The following FARP2 variants were observed in gnomAD, a reference collection of about 807,000 sequenced individuals.
FARP2 encodes the protein FERM, ARHGEF and pleckstrin domain-containing protein 2.
Under a neutral mutation model 130.5 loss-of-function variants are expected in FARP2, and 111 were observed. The ratio of observed to expected loss-of-function variants is 0.85; its 90% CI spans 0.73 to 1.00. FARP2 has a LOEUF of 1.00. Ranked by LOEUF, FARP2 falls within the 50% of genes least tolerant of loss-of-function variation. FARP2 has a pLI of 0.00. For synonymous variants in FARP2, 504 were observed against 516.9 expected (o/e 0.98, Z 0.34); for missense variants, 1,385 against 1,346.3 (o/e 1.03, Z -0.45).
chr2:241,457,003 G>A (rs2063862439), intron 14 of FARP2, 81 bp downstream of exon 14: 2 of 1,309,344 alleles, frequency 1.5e-6, no homozygotes, highest in Non-Finnish European at 1.0e-6. Flanking sequence ...GGTGCTGGTG[G>A]GGACCCTGGG....
intron 4 of FARP2, among the ~76,000 whole-genome samples, chr2:241,406,717 G>A (rs1017847927): frequency 1.3e-5 from 2 of 152,188 alleles, no homozygotes; most frequent in Non-Finnish European, 2.9e-5. Context: ...ACCAGCCTCC[G>A]CCTCCCAAAG....
chr2:241,441,594 T>C (rs776307566), intron 13 of FARP2, 38 bp downstream of exon 13: 2 of 1,613,686 alleles, frequency 1.2e-6, no homozygotes. Flanking sequence ...GCTGTGGTTC[T>C]GTCTGTGCTG....
At chr2:241,378,017 T>C (rs1384252572) in intron 2 of FARP2, among the ~76,000 whole-genome samples, 3 of 152,314 alleles carry the variant, frequency 2.0e-5, no homozygotes, top group African/African-American at 7.2e-5. Context: ...CCAACACTTA[T>C]TTTTTTCTGA....
At chr2:241,442,648 T>A (rs1404566985) in intron 13 of FARP2, 1 of 326,168 alleles carries the variant, frequency 3.1e-6, no homozygotes, top group Admixed American at 4.2e-5. Context: ...AGATATTCAA[T>A]TTTTTTTTAA....
intron 17 of FARP2, 77 bp from the exon 18 acceptor site, chr2:241,468,063 A>G (rs10933558): frequency 0.19 from 188,456 of 1,011,256 alleles, 19,732 homozygotes; most frequent in Middle Eastern, 0.22. Context: ...GGCACCTGCC[A>G]TCAAGGAAAA....
intron 13 of FARP2, among the ~76,000 whole-genome samples, chr2:241,454,395 C>T (rs549296306): frequency 3.3e-5 from 5 of 152,232 alleles, no homozygotes; most frequent in Non-Finnish European, 4.4e-5. Flanking sequence ...CTTCCTGCCA[C>T]ACCCTGAGCA....
chr2:241,485,328 TC>T (rs536677992), intron 21 of FARP2, among the ~76,000 whole-genome samples: 1 of 148,866 alleles, frequency 6.7e-6, no homozygotes, highest in African/African-American at 2.5e-5. Flanking sequence ...CCTGGGATCT[TC>T]CCTCATTCCC....
chr2:241,452,382 G>A (rs898890851), intron 13 of FARP2, among the ~76,000 whole-genome samples: 4 of 151,864 alleles, frequency 2.6e-5, no homozygotes, highest in African/African-American at 4.8e-5. Context: ...CACATTCATC[G>A]CCAGTTGCTT....
In FARP2 at chr2:241,417,871, T is replaced by A. The variant is rs1448475470; in HGVS notation, c.624-91T>A. 9 of 1,401,128 alleles carry A rather than the reference T, an allele frequency of 6.4e-6. No homozygotes were observed. In the East Asian group the frequency reaches 2.1e-4, roughly 32 times the overall value. The allele number at this position is 1,401,128 out of a possible 1,614,324, so 86.8% of individuals were successfully genotyped here. On this transcript the variant is annotated intron_variant, in intron 7 of 26. Coordinates refer to ENST00000264042, the MANE Select transcript of FARP2 (RefSeq NM_014808.4). ...CCCTCTAAACACACAAAGCCTTCAT[T>A]GTTGGTTTTCCTGATCGCTTCTATA...
chr2:241,450,006 C>CA (rs1244240579), intron 13 of FARP2, among the ~76,000 whole-genome samples: 1,531 of 115,040 alleles, frequency 0.013, 21 homozygotes, highest in African/African-American at 0.037. Context: ...GACTCCATCT[C>CA]AAAAAAAAAA....
At chr2:241,380,047 T>G (rs1401238721) in intron 2 of FARP2, among the ~76,000 whole-genome samples, 2 of 152,122 alleles carry the variant, frequency 1.3e-5, no homozygotes, top group African/African-American at 4.8e-5. Flanking sequence ...GGTTGGTAAG[T>G]CACAGTCTGT....
At chr2:241,430,754 C>A (rs1420352026) in intron 8 of FARP2, among the ~76,000 whole-genome samples, 1 of 152,086 alleles carries the variant, frequency 6.6e-6, no homozygotes, top group African/African-American at 2.4e-5. Flanking sequence ...CCTGTAATCC[C>A]AGCACTTTGG....
chr2:241,401,986 T>C (rs2062180185), intron 2 of FARP2, among the ~76,000 whole-genome samples: 2 of 152,136 alleles, frequency 1.3e-5, no homozygotes, highest in Admixed American at 1.3e-4. Flanking sequence ...GACAAGGTTT[T>C]GCCATGTTGG....
At chr2:241,476,603 C>T (rs1169170264) in intron 19 of FARP2, among the ~76,000 whole-genome samples, 1 of 152,128 alleles carries the variant, frequency 6.6e-6, no homozygotes, top group African/African-American at 2.4e-5. Flanking sequence ...GCAGGAGAAT[C>T]GCTTGAACCC....
chr2:241,402,880 A>ATATATAT (rs2062229066), intron 2 of FARP2, among the ~76,000 whole-genome samples: 2 of 9,732 alleles, frequency 2.1e-4, no homozygotes, highest in African/African-American at 5.2e-4. Flanking sequence ...ATATATATAT[A>ATATATAT]TTTTTTTTTT....
chr2:241,423,813 C>T (rs1408610679), intron 8 of FARP2, among the ~76,000 whole-genome samples: 1 of 152,048 alleles, frequency 6.6e-6, no homozygotes, highest in Admixed American at 6.5e-5. Context: ...GCTTGCAATC[C>T]TAGTTTCTGA....
rs2063376640 is a variant in FARP2 at position 241,441,307 on chromosome 2, A to G, written c.1162A>G (p.Ile388Val). Reference protein sequence around the residue: ...ALTADLPKQSISFPEGLRTPA... With the variant: ...ALTADLPKQSVSFPEGLRTPA... Reference sequence around the variant, plus strand: ...TTTTCTTAACTTTGGTTCCCAGAGCATCTCATTCCCCGAGGGATTGAGGAC... The same window carrying G: ...TTTTCTTAACTTTGGTTCCCAGAGCGTCTCATTCCCCGAGGGATTGAGGAC... Residue 388 changes from isoleucine to valine, a missense_variant, in exon 13 of 27, where the codon ATC (isoleucine) becomes GTC (valine). By Grantham distance (29) the Ile-to-Val change is conservative (BLOSUM62 3). Coordinates refer to ENST00000264042, the MANE Select transcript of FARP2 (RefSeq NM_014808.4). 3 of 1,577,680 alleles carry G rather than the reference A, an allele frequency of 1.9e-6. No homozygotes were observed. Among genetic ancestry groups the G allele is most frequent in the Non-Finnish European group, 1.7e-6 (2 of 1,160,514 alleles).
intron 1 of FARP2, among the ~76,000 whole-genome samples, chr2:241,364,601 C>G (rs1255890545): frequency 5.3e-5 from 8 of 152,144 alleles, no homozygotes; most frequent in Non-Finnish European, 1.2e-4. Flanking sequence ...TAAAGCTACT[C>G]TTGAAACAGA....
intron 1 of FARP2, among the ~76,000 whole-genome samples, chr2:241,360,903 A>G (rs2061171202): frequency 6.6e-6 from 1 of 152,004 alleles, no homozygotes; most frequent in African/African-American, 2.4e-5. Context: ...TTTATTGTTG[A>G]TAGGGTACAT....
Sources: gnomAD v4.1 joint callset for allele counts (sites outside exome capture counted in the v4.1 genomes callset) on GRCh38, gnomAD v4.1.1 for gene constraint, MANE v1.5 for transcripts, NCBI Gene and HGNC (gene_info 2026-07-23, HGNC 2026-07-21) for gene names.